Variants in FAM13B observed in about 807,000 individuals in gnomAD.
FAM13B encodes protein FAM13B.
Under a neutral mutation model 117.3 loss-of-function variants are expected in FAM13B, and 60 were observed. That is an observed-to-expected ratio of 0.51 (90% confidence interval 0.42 to 0.63). FAM13B has a LOEUF of 0.63. Among genes scored for constraint, FAM13B ranks in the 30% least tolerant of loss-of-function variants. The pLI is 0.00. For missense variants in FAM13B, 972 were observed against 1,091.9 expected, an observed-to-expected ratio of 0.89 and a Z score of 1.55; for synonymous variants, 332 against 356.1, an observed-to-expected ratio of 0.93 and a Z score of 0.76.
chr5:137,968,891 G>A (rs1051361128), intron 10 of FAM13B, among the ~76,000 whole-genome samples: 2 of 152,184 alleles, frequency 1.3e-5, no homozygotes, highest in Non-Finnish European at 2.9e-5. Context: ...TGAATACTAC[G>A]CTTTTCCGAC....
intron 10 of FAM13B, among the ~76,000 whole-genome samples, chr5:137,972,534 C>T (rs1198508771): frequency 6.6e-6 from 1 of 151,856 alleles, no homozygotes; most frequent in African/African-American, 2.4e-5. Context: ...GAAGCATTCC[C>T]TTTGAAAAAT....
intron 18 of FAM13B, among the ~76,000 whole-genome samples, chr5:137,948,612 C>A (rs1764075138): frequency 6.6e-6 from 1 of 152,116 alleles, no homozygotes; most frequent in South Asian, 2.1e-4. Flanking sequence ...TCAGGCTGGT[C>A]TCGAACTCCT....
At chr5:138,023,890 C>T (rs577500677) in intron 1 of FAM13B, among the ~76,000 whole-genome samples, 3 of 152,292 alleles carry the variant, frequency 2.0e-5, no homozygotes, top group African/African-American at 7.2e-5. Context: ...TAGGTCATCA[C>T]TTACTTCTAG....
chr5:138,034,675 A>G (rs537403348), upstream of FAM13B, among the ~76,000 whole-genome samples: 1 of 152,354 alleles, frequency 6.6e-6, no homozygotes, highest in East Asian at 1.9e-4. Flanking sequence ...TCTGCCAAAC[A>G]GGATCAACAG....
chr5:138,005,089 T>G (rs1782213062), intron 7 of FAM13B, among the ~76,000 whole-genome samples: 1 of 151,980 alleles, frequency 6.6e-6, no homozygotes, highest in South Asian at 2.1e-4. Flanking sequence ...ATACAAAAGT[T>G]AGCTGGGCAT....
Position 137,942,999 on chromosome 5 carries a change from C to G in FAM13B, c.2464G>C (p.Gly822Arg). 2.5e-6 allele frequency: 4 copies of G among 1,613,470 alleles called. No individual in the cohort carries two copies. Among genetic ancestry groups the G allele is most frequent in the Non-Finnish European group, 3.4e-6 (4 of 1,179,882 alleles). ...EDGVNLSSEL[G>R]DMLKTAVQVQ... ...TGTACTGCAGTTTTCAACATATCACCTAACTCAGAGGACAGATTAACACCA... is the reference window on the plus strand; with the variant it reads ...TGTACTGCAGTTTTCAACATATCACGTAACTCAGAGGACAGATTAACACCA... Residue 822 changes from glycine (G) to arginine (R), a missense_variant, in exon 22 of 24, where the codon GGT (glycine) becomes CGT (arginine). Coordinates refer to ENST00000689681, the MANE Select transcript of FAM13B (RefSeq NM_001385994.1).
At chr5:137,943,332 G>T in intron 20 of FAM13B, 116 bp from the exon 21 acceptor site, 3 of 778,698 alleles carry the variant, frequency 3.9e-6, no homozygotes, top group South Asian at 2.0e-5. Context: ...TTAAACATTT[G>T]CTTTAAATCT....
chr5:138,002,577 A>G (rs976320905), intron 7 of FAM13B, among the ~76,000 whole-genome samples: 1 of 152,176 alleles, frequency 6.6e-6, no homozygotes, highest in Non-Finnish European at 1.5e-5. Context: ...TAGCAGAGAG[A>G]CATGCAAAAA....
At chr5:137,979,153 C>A (rs1407474806) in intron 10 of FAM13B, among the ~76,000 whole-genome samples, 1 of 152,008 alleles carries the variant, frequency 6.6e-6, no homozygotes, top group Non-Finnish European at 1.5e-5. Flanking sequence ...GCTGGGATTA[C>A]AAGCATGTGC....
At chr5:138,043,189 C>A (rs993552518) in intron 1 of FAM13B, among the ~76,000 whole-genome samples, 7 of 152,112 alleles carry the variant, frequency 4.6e-5, no homozygotes, top group Middle Eastern at 3.4e-3. Flanking sequence ...CATAGTGAGA[C>A]CCTGTCTCTA....
At chr5:138,006,604 G>A (rs1182681199) in intron 7 of FAM13B, among the ~76,000 whole-genome samples, 1 of 152,182 alleles carries the variant, frequency 6.6e-6, no homozygotes, top group East Asian at 1.9e-4. Context: ...TATCTTAATG[G>A]ATCAGAGTTC....
intron 18 of FAM13B, among the ~76,000 whole-genome samples, chr5:137,947,583 ATT>A (rs1254112366): frequency 6.6e-6 from 1 of 151,760 alleles, no homozygotes; most frequent in East Asian, 1.9e-4. Flanking sequence ...ACAAAAAAAA[ATT>A]TCTTTTTTTT....
At chr5:137,964,694 C>T (rs1218934766) in intron 10 of FAM13B, among the ~76,000 whole-genome samples, 1 of 152,138 alleles carries the variant, frequency 6.6e-6, no homozygotes, top group Non-Finnish European at 1.5e-5. Context: ...GCACTCCAGT[C>T]TGGGTGACAG....
At chr5:138,029,517 ACAAC>A (rs771682865) in intron 1 of FAM13B, among the ~76,000 whole-genome samples, 1 of 152,238 alleles carries the variant, frequency 6.6e-6, no homozygotes, top group South Asian at 2.1e-4. Flanking sequence ...AAGTGATTCT[ACAAC>A]CAATCATAAT....
rs1764148319 is a variant in FAM13B, at chr5:137,948,880, T to C, written c.2160+75A>G. The C allele has an allele frequency of 3.5e-6, 4 of 1,134,728 alleles. No individual in the cohort carries two copies. The South Asian group carries it at 4.0e-5, about 11-fold the overall frequency. The allele number at this position is 1,134,728 out of a possible 1,614,324, so 70.3% of individuals were successfully genotyped here. A position where few individuals can be genotyped will look rare whatever the true frequency, so the allele number is the denominator to read the frequency against. The stretch of plus-strand genomic sequence containing the variant: ...GAAAATCAGACTACCTAGACATCTC[T>C]ACCCTGCTATAGTAATTATTTTGTT... On this transcript the variant is annotated intron_variant, in intron 18 of 23. Coordinates refer to ENST00000689681, the MANE Select transcript of FAM13B (RefSeq NM_001385994.1).
intron 22 of FAM13B, 90 bp downstream of exon 22, chr5:137,942,785 T>C (rs1396666649): frequency 8.9e-7 from 1 of 1,127,296 alleles, no homozygotes; most frequent in Non-Finnish European, 1.2e-6. Flanking sequence ...TCATCTCCTA[T>C]TAATTCCTTA....
intron 22 of FAM13B, 112 bp from the exon 23 acceptor site, chr5:137,942,157 C>A: frequency 1.3e-6 from 1 of 787,876 alleles, no homozygotes; most frequent in Non-Finnish European, 2.1e-6. Context: ...TTAGGTCTAC[C>A]AATGCCTAAG....
At chr5:137,950,230 G>A (rs555456073) in intron 17 of FAM13B, among the ~76,000 whole-genome samples, 3 of 152,302 alleles carry the variant, frequency 2.0e-5, no homozygotes, top group South Asian at 2.1e-4. Context: ...TATAATTTGT[G>A]GAGGAACAAC....
chr5:137,985,449 TTAAAA>T (rs1776946186), intron 9 of FAM13B, 60 bp from the exon 10 acceptor site: 1 of 1,484,764 alleles, frequency 6.7e-7, no homozygotes, highest in African/African-American at 1.4e-5. Flanking sequence ...TGCCTTTACT[TTAAAA>T]TAAGTAAATA....
Sources: gnomAD v4.1 joint callset for allele counts (sites outside exome capture counted in the v4.1 genomes callset) on GRCh38, gnomAD v4.1.1 for gene constraint, MANE v1.5 for transcripts, NCBI Gene and HGNC (gene_info 2026-07-23, HGNC 2026-07-21) for gene names.